The following SCN2A variants were observed in gnomAD, a reference collection of about 807,000 sequenced individuals.
SCN2A encodes the protein sodium channel protein type 2 subunit alpha.
SCN2A carries 20 observed loss-of-function variants against 188.7 expected under a neutral mutation model. That is an observed-to-expected ratio of 0.11 (90% CI 0.07 to 0.15). The LOEUF (loss-of-function observed/expected upper bound fraction) is 0.15, where lower values mean the gene tolerates loss of function less well. Among genes scored for constraint, SCN2A ranks in the 10% least tolerant of loss-of-function variants. The pLI is 1.00. For synonymous variants in SCN2A, 804 were observed against 833.1 expected, an observed-to-expected ratio of 0.97 and a Z score of 0.60; for missense variants, 1,278 against 2,445.0, an observed-to-expected ratio of 0.52 and a Z score of 10.07.
At chr2:165,357,032 G>C (rs1700215422) in intron 17 of SCN2A, among the ~76,000 whole-genome samples, 1 of 152,176 alleles carries the variant, frequency 6.6e-6, no homozygotes, top group South Asian at 2.1e-4. Flanking sequence ...TCCCAGCATA[G>C]AGACTGTTAC....
At chr2:165,299,580 A>G (rs951837447) in intron 3 of SCN2A, among the ~76,000 whole-genome samples, 14 of 152,250 alleles carry the variant, frequency 9.2e-5, no homozygotes, top group African/African-American at 3.4e-4. Flanking sequence ...TCTAAGATAC[A>G]TGAATCCTTC....
intron 13 of SCN2A, 61 bp from the exon 14 acceptor site, chr2:165,331,269 C>T: frequency 7.8e-7 from 1 of 1,282,314 alleles, no homozygotes; most frequent in South Asian, 1.2e-5. Flanking sequence ...TTAATTTAAA[C>T]CAAATCTGCT....
chr2:165,388,649 A>G lies in SCN2A; in HGVS notation c.4843A>G (p.Ile1615Val), dbSNP rs1177670695. The G allele has an allele frequency of 2.5e-6, 4 of 1,613,878 alleles. No individual in the cohort carries two copies. Among genetic ancestry groups the G allele is most frequent in the Non-Finnish European group, 3.4e-6 (4 of 1,179,854 alleles). ...SIVGMFLAEL[I>V]EKYFVSPTLF... The stretch of plus-strand genomic sequence containing the variant: ...TACAGGAATGTTTCTGGCTGAACTG[A>G]TAGAAAAGTATTTTGTGTCCCCTAC... The change falls in exon 27 of 27, where the codon ATA becomes GTA. Residue 1615 changes from isoleucine to valine, a missense_variant. Physicochemically the swap from Ile to Val is conservative, Grantham distance 29. This residue lies in a region of SCN2A where 97 missense variants were observed against 266.1 expected (regional missense o/e 0.36). Transcript: ENST00000375437.
chr2:165,329,211 A>C (rs935402), intron 13 of SCN2A, among the ~76,000 whole-genome samples: 33,854 of 151,964 alleles, frequency 0.22, 4,376 homozygotes, highest in East Asian at 0.36. Context: ...CCTCATGCTT[A>C]ATGAAGCAGT....
intron 1 of SCN2A, among the ~76,000 whole-genome samples, chr2:165,282,665 T>C (rs1695633957): frequency 6.6e-6 from 1 of 152,230 alleles, no homozygotes; most frequent in Non-Finnish European, 1.5e-5. Flanking sequence ...ATCTTCCAGT[T>C]TGAGCCTCTG....
chr2:165,308,406 G>A (rs943805387), intron 4 of SCN2A, among the ~76,000 whole-genome samples: 1 of 152,024 alleles, frequency 6.6e-6, no homozygotes, highest in Non-Finnish European at 1.5e-5. Flanking sequence ...TTCAGATTAT[G>A]TCTTCATATA....
At chr2:165,321,356 G>A (rs914947306) in intron 11 of SCN2A, among the ~76,000 whole-genome samples, 24 of 152,030 alleles carry the variant, frequency 1.6e-4, no homozygotes, top group African/African-American at 5.3e-4. Context: ...GTGTTCTTCC[G>A]AGCCCTCCAA....
intron 1 of SCN2A, among the ~76,000 whole-genome samples, chr2:165,251,071 A>G (rs549002400): frequency 1.4e-4 from 21 of 152,268 alleles, no homozygotes; most frequent in Admixed American, 3.3e-4. Context: ...AATTCAGTAT[A>G]TACTATTTTA....
intron 1 of SCN2A, among the ~76,000 whole-genome samples, chr2:165,276,097 T>C (rs1184451060): frequency 6.6e-6 from 1 of 152,152 alleles, no homozygotes; most frequent in East Asian, 1.9e-4. Flanking sequence ...AGCTAGAAAG[T>C]AGGAGAGTAA....
chr2:165,263,013 A>T (rs932586331), intron 1 of SCN2A, among the ~76,000 whole-genome samples: 2 of 152,008 alleles, frequency 1.3e-5, no homozygotes, highest in Non-Finnish European at 2.9e-5. Context: ...GCATTTTTTC[A>T]TATGTTTGTT....
chr2:165,306,340 C>T (rs1477608166), intron 3 of SCN2A, among the ~76,000 whole-genome samples: 1 of 152,018 alleles, frequency 6.6e-6, no homozygotes, highest in East Asian at 1.9e-4. Flanking sequence ...TAGAATGGTG[C>T]CAATCTGCCA....
chr2:165,347,209 T>C (rs886852753), intron 16 of SCN2A, among the ~76,000 whole-genome samples: 1 of 152,148 alleles, frequency 6.6e-6, no homozygotes, highest in African/African-American at 2.4e-5. Flanking sequence ...CCATCAATGA[T>C]AGACTGGATA....
chr2:165,383,605 A>G (rs1701716077), intron 25 of SCN2A, among the ~76,000 whole-genome samples: 1 of 152,160 alleles, frequency 6.6e-6, no homozygotes. Context: ...GGCCGTGTGA[A>G]TACATTGTAG....
chr2:165,249,807 C>T (rs1313059198), intron 1 of SCN2A, among the ~76,000 whole-genome samples: 2 of 151,948 alleles, frequency 1.3e-5, no homozygotes, highest in East Asian at 3.9e-4. Flanking sequence ...AAAGTCTTAT[C>T]TAATATAAAT....
intron 1 of SCN2A, among the ~76,000 whole-genome samples, chr2:165,257,916 T>C (rs2106080620): frequency 6.6e-6 from 1 of 152,348 alleles, no homozygotes; most frequent in Admixed American, 6.5e-5. Flanking sequence ...CATGTATGTC[T>C]TCTTGACATG....
At chr2:165,295,630 C>T in intron 1 of SCN2A, 143 bp from the exon 2 acceptor site, 1 of 754,652 alleles carries the variant, frequency 1.3e-6, no homozygotes, top group Non-Finnish European at 2.1e-6. Context: ...ATGAGATTCC[C>T]TGAATACCAA....
At chr2:165,369,922 T>C (rs1046628325) in intron 19 of SCN2A, among the ~76,000 whole-genome samples, 2 of 152,110 alleles carry the variant, frequency 1.3e-5, no homozygotes, top group African/African-American at 4.8e-5. Context: ...AATTTAAAAA[T>C]TACTGAAACC....
chr2:165,315,386 A>T (rs1697678611), intron 10 of SCN2A, 85 bp from the exon 11 acceptor site: 2 of 1,584,050 alleles, frequency 1.3e-6, no homozygotes, highest in African/African-American at 1.4e-5. Context: ...GATTATCTTC[A>T]TGATATTGAA....
rs962766268 is a variant in SCN2A, at chr2:165,295,959, G to A, written c.136G>A (p.Asp46Asn). The change falls in exon 2 of 27, where the codon GAT becomes AAT. Residue 46 changes from aspartate to asparagine, a missense_variant. By Grantham distance (23) the Asp-to-Asn change is conservative (BLOSUM62 1). This residue lies in a region of SCN2A where 141 missense variants were observed against 185.4 expected (regional missense o/e 0.76). Transcript: ENST00000375437. ...CAAACAGGAACGCAAGGATGAGGAT[G>A]ATGAAAATGGCCCAAAGCCAAACAG... The part of the protein sequence containing the change: ...RPKQERKDED[D>N]ENGPKPNSDL... 6.2e-7 allele frequency: 1 copy of A among 1,614,128 alleles called. No individual in the cohort carries two copies. The highest frequency in any genetic ancestry group is 8.5e-7 in the Non-Finnish European group (1 of 1,180,016).
Sources: allele counts gnomAD v4.1 joint callset (sites outside exome capture counted in the v4.1 genomes callset), GRCh38; gene constraint gnomAD v4.1.1; regional missense constraint gnomAD v4.1.1; transcripts MANE v1.5; gene names NCBI Gene and HGNC (gene_info 2026-07-23, HGNC 2026-07-21).